DPYD: variants seen among roughly 807,000 people sequenced by gnomAD.
The protein encoded by DPYD is dihydropyrimidine dehydrogenase [NADP(+)].
In DPYD, 109 loss-of-function variants were observed where a neutral mutation model predicts 116.2. The observed-to-expected ratio is 0.94, with a 90% CI of 0.80 to 1.10. The LOEUF (loss-of-function observed/expected upper bound fraction) is 1.10. Ranked by LOEUF, DPYD falls within the 50% of genes least tolerant of loss-of-function variation. The pLI, the probability that DPYD is intolerant of heterozygous loss-of-function variation, is 0.00. For synonymous variants in DPYD, 440 were observed against 432.0 expected, an observed-to-expected ratio of 1.02 and a Z score of -0.23; for missense variants, 1,302 against 1,254.5, an observed-to-expected ratio of 1.04 and a Z score of -0.57.
intron 1 of DPYD, among the ~76,000 whole-genome samples, chr1:97,914,312 T>C (rs1054534822): frequency 6.6e-6 from 1 of 152,162 alleles, no homozygotes; most frequent in Non-Finnish European, 1.5e-5. Context: ...TGTTTAGGGA[T>C]GCTTAAAAGT....
chr1:97,682,094 T>G (rs1371110177), intron 7 of DPYD, among the ~76,000 whole-genome samples: 1 of 152,006 alleles, frequency 6.6e-6, no homozygotes, highest in African/African-American at 2.4e-5. Flanking sequence ...CACAGCAGAG[T>G]GAAAATGTCT....
At chr1:97,599,562 G>A (rs1270337516) in intron 8 of DPYD, among the ~76,000 whole-genome samples, 3 of 152,102 alleles carry the variant, frequency 2.0e-5, no homozygotes, top group African/African-American at 7.2e-5. Context: ...GCAAGCATTT[G>A]TGTGATGCTT....
intron 19 of DPYD, among the ~76,000 whole-genome samples, chr1:97,196,335 C>T (rs1457226551): frequency 6.6e-6 from 1 of 151,974 alleles, no homozygotes; most frequent in African/African-American, 2.4e-5. Context: ...CCATATTGCT[C>T]AAACTCCTGA....
At chr1:97,774,367 G>A (rs116567517) in intron 3 of DPYD, among the ~76,000 whole-genome samples, 2,703 of 152,184 alleles carry the variant, frequency 0.018, 84 homozygotes, top group African/African-American at 0.062. Flanking sequence ...CCCAGACTTC[G>A]TCTCTTGTCT....
intron 11 of DPYD, among the ~76,000 whole-genome samples, chr1:97,553,128 C>A (rs1292120077): frequency 6.6e-6 from 1 of 151,858 alleles, no homozygotes; most frequent in South Asian, 2.1e-4. Flanking sequence ...TGGTTAGGAT[C>A]ATTTCCTTGT....
chr1:97,203,793 C>CAAAAAAAAAAAAAAAA (rs56819543), intron 19 of DPYD, among the ~76,000 whole-genome samples: 7 of 65,692 alleles, frequency 1.1e-4, no homozygotes, highest in Non-Finnish European at 1.7e-4. Context: ...ATTCACATTC[C>CAAAAAAAAAAAAAAAA]AAAAAAAAAA....
chr1:97,430,592 A>G (rs953933674), intron 14 of DPYD, among the ~76,000 whole-genome samples: 13 of 196 alleles, frequency 0.066, no homozygotes, highest in Admixed American at 0.21. Flanking sequence ...CAGTCTTGGG[A>G]AAAAAAAAAA....
intron 19 of DPYD, among the ~76,000 whole-genome samples, chr1:97,220,240 C>A (rs1055965849): frequency 6.6e-6 from 1 of 151,830 alleles, no homozygotes; most frequent in Non-Finnish European, 1.5e-5. Context: ...TGGCTTTATA[C>A]GAAGAGAAAG....
intron 3 of DPYD, among the ~76,000 whole-genome samples, chr1:97,793,298 A>G (rs2101282685): frequency 6.6e-6 from 1 of 152,338 alleles, no homozygotes. Context: ...TCAAATTGAT[A>G]TATCAAGTCA....
At chr1:97,870,270 T>G (rs763725503) in intron 2 of DPYD, among the ~76,000 whole-genome samples, 1 of 151,848 alleles carries the variant, frequency 6.6e-6, no homozygotes, top group Non-Finnish European at 1.5e-5. Context: ...AGCATGACCA[T>G]GCAAATAGGG....
intron 1 of DPYD, among the ~76,000 whole-genome samples, chr1:97,896,612 C>G (rs1281380627): frequency 6.6e-6 from 1 of 151,610 alleles, no homozygotes; most frequent in Non-Finnish European, 1.5e-5. Context: ...TTTAGTATAC[C>G]TACAAAGCTG....
intron 8 of DPYD, 139 bp downstream of exon 8, chr1:97,678,956 C>T: frequency 2.4e-6 from 1 of 411,438 alleles, no homozygotes; most frequent in Non-Finnish European, 4.4e-6. Context: ...AGTTACTTGG[C>T]CAATCATTTC....
intron 10 of DPYD, among the ~76,000 whole-genome samples, chr1:97,591,560 A>G (rs548792664): frequency 4.9e-4 from 75 of 152,270 alleles, no homozygotes; most frequent in African/African-American, 1.7e-3. Context: ...GTTCTACCTA[A>G]GACAGAAGAA....
chr1:97,103,557 A>G (rs1313676295), intron 20 of DPYD, among the ~76,000 whole-genome samples: 2 of 152,180 alleles, frequency 1.3e-5, no homozygotes, highest in African/African-American at 4.8e-5. Context: ...TTAACCTGAT[A>G]AATGTAAGCT....
intron 19 of DPYD, among the ~76,000 whole-genome samples, chr1:97,203,961 A>C (rs963997974): frequency 2.0e-5 from 3 of 152,122 alleles, no homozygotes; most frequent in Non-Finnish European, 2.9e-5. Flanking sequence ...TTTGTGAGAG[A>C]GTACAACTTG....
At chr1:97,824,177 T>C (rs1005098432) in intron 3 of DPYD, among the ~76,000 whole-genome samples, 2 of 152,202 alleles carry the variant, frequency 1.3e-5, no homozygotes, top group African/African-American at 2.4e-5. Flanking sequence ...ATAAATTATG[T>C]CTTTATAAAA....
chr1:97,217,564 A>G (rs532067686), intron 19 of DPYD, among the ~76,000 whole-genome samples: 2 of 152,274 alleles, frequency 1.3e-5, no homozygotes, highest in East Asian at 3.9e-4. Flanking sequence ...GTCACAATTA[A>G]ATACCATCAA....
At chr1:97,841,493 A>T (rs2101535205) in intron 2 of DPYD, among the ~76,000 whole-genome samples, 1 of 152,114 alleles carries the variant, frequency 6.6e-6, no homozygotes, top group South Asian at 2.1e-4. Flanking sequence ...ACTAGTGATT[A>T]TGTTGATGTA....
At chr1:97,587,189 C>T (rs1654185947) in intron 10 of DPYD, among the ~76,000 whole-genome samples, 1 of 152,194 alleles carries the variant, frequency 6.6e-6, no homozygotes, top group Admixed American at 6.5e-5. Flanking sequence ...TGTCATCCCC[C>T]TGTCATCATA....
Sources: allele counts gnomAD v4.1 joint callset (sites outside exome capture counted in the v4.1 genomes callset), GRCh38; gene constraint gnomAD v4.1.1; transcripts MANE v1.5; gene names NCBI Gene and HGNC (gene_info 2026-07-23, HGNC 2026-07-21).